The following TCTN3 variants were observed in gnomAD, a reference collection of about 807,000 sequenced individuals.
TCTN3 encodes tectonic-3.
TCTN3 carries 57 observed loss-of-function variants against 71.3 expected under a neutral mutation model. That is an observed-to-expected ratio of 0.80 (90% CI 0.65 to 1.00). TCTN3 has a LOEUF of 1.00. Ranked by LOEUF, TCTN3 falls within the 50% of genes least tolerant of loss-of-function variation. The pLI is 0.00. For missense variants in TCTN3, 696 were observed against 719.9 expected (o/e 0.97, Z 0.38); for synonymous variants, 258 against 267.8 (o/e 0.96, Z 0.36).
chr10:95,680,714 A>G lies in TCTN3; in HGVS notation c.1453-105T>C, dbSNP rs930620048. The G allele has an allele frequency of 8.1e-6, 11 of 1,364,930 alleles. No individual in the cohort carries two copies. In the African/African-American group the frequency reaches 1.6e-4, roughly 20 times the overall value. The allele number at this position is 1,364,930 out of a possible 1,614,324, so 84.6% of individuals were successfully genotyped here. The stretch of plus-strand genomic sequence containing the variant: ...TCTTAAGCATTATTCAGTAATAAGG[A>G]AGGCAATGTAGCTTAGTGGAAGAAC... On this transcript the variant is annotated intron_variant, in intron 12 of 13. Coordinates refer to ENST00000371217, the MANE Select transcript of TCTN3 (RefSeq NM_015631.6).
Position 95,682,711 on chromosome 10 carries a change from A to C in TCTN3, c.1392T>G (p.Asn464Lys). The C allele has an allele frequency of 6.2e-7, 1 of 1,614,182 alleles. No individual in the cohort carries two copies. The highest frequency in any genetic ancestry group is 8.5e-7 in the Non-Finnish European group (1 of 1,180,016). The part of the protein sequence containing the change: ...PRPEYVAIFG[N>K]ADPAQKGGWT... Reference sequence around the variant, plus strand: ...ACCCTCCTTTCTGGGCTGGGTCAGCATTACCAAAGATGGCAACATACTCTG... The same window carrying C: ...ACCCTCCTTTCTGGGCTGGGTCAGCCTTACCAAAGATGGCAACATACTCTG... The change falls in exon 12 of 14, where the codon AAT becomes AAG. Residue 464 changes from asparagine to lysine, a missense_variant. Coordinates refer to ENST00000371217, the MANE Select transcript of TCTN3 (RefSeq NM_015631.6).
In TCTN3 at chr10:95,687,030, G is replaced by C. The variant is rs1392766951; in HGVS notation, c.852+14C>G. 1 of 1,595,434 alleles carries C rather than the reference G, an allele frequency of 6.3e-7. No homozygotes were observed. The highest frequency in any genetic ancestry group is 2.2e-5 in the East Asian group (1 of 44,796). On this transcript the variant is annotated intron_variant, in intron 6 of 13. Coordinates refer to ENST00000371217, the MANE Select transcript of TCTN3 (RefSeq NM_015631.6). Reference sequence around the variant, plus strand: ...TCATAGTAGTGACAGTGTAGGGAGAGAAAGGACACCTACCTTTAAGACTGT... The same window carrying C: ...TCATAGTAGTGACAGTGTAGGGAGACAAAGGACACCTACCTTTAAGACTGT...
At chr10:95,676,800 G>A (rs2097937610) in intron 13 of TCTN3, among the ~76,000 whole-genome samples, 1 of 152,106 alleles carries the variant, frequency 6.6e-6, no homozygotes, top group African/African-American at 2.4e-5. Flanking sequence ...TGATAATAAT[G>A]ATATCAAGAG....
intron 13 of TCTN3, among the ~76,000 whole-genome samples, chr10:95,672,991 C>T (rs2097933220): frequency 6.6e-6 from 1 of 152,046 alleles, no homozygotes; most frequent in African/African-American, 2.4e-5. Flanking sequence ...GCCACTGCAC[C>T]AGGCTGAAGT....
At chr10:95,686,958 T>C (rs1589617817) in intron 6 of TCTN3, 86 bp downstream of exon 6, 11 of 1,197,164 alleles carry the variant, frequency 9.2e-6, no homozygotes, top group Non-Finnish European at 1.2e-5. Context: ...TTTTATTCAA[T>C]GCTCTTTCCA....
intron 3 of TCTN3, among the ~76,000 whole-genome samples, chr10:95,690,815 G>C (rs117417334): frequency 6.6e-6 from 1 of 152,214 alleles, no homozygotes; most frequent in Non-Finnish European, 1.5e-5. Context: ...CTCCACAACT[G>C]TGTATACTGT....
chr10:95,665,260 A>C (rs1006302685), intron 13 of TCTN3, among the ~76,000 whole-genome samples: 4 of 151,828 alleles, frequency 2.6e-5, no homozygotes, highest in Admixed American at 2.6e-4. Flanking sequence ...ACGAGTGCAC[A>C]ACCACACCTG....
intron 4 of TCTN3, 87 bp from the exon 5 acceptor site, chr10:95,687,442 A>T (rs1458438597): frequency 2.7e-6 from 4 of 1,506,270 alleles, no homozygotes; most frequent in Middle Eastern, 1.8e-4. Flanking sequence ...AGGTTAACTC[A>T]AGGGCATGAT....
intron 3 of TCTN3, among the ~76,000 whole-genome samples, chr10:95,690,491 G>A (rs931001835): frequency 9.2e-5 from 14 of 152,144 alleles, no homozygotes; most frequent in African/African-American, 2.2e-4. Context: ...GAAAACACTC[G>A]TGGAAAATAT....
intron 6 of TCTN3, 87 bp downstream of exon 6, chr10:95,686,957 A>G (rs2097948881): frequency 1.7e-6 from 2 of 1,193,822 alleles, no homozygotes; most frequent in Non-Finnish European, 2.4e-6. Flanking sequence ...CTTTTATTCA[A>G]TGCTCTTTCC....
chr10:95,682,795 CT>C lies in TCTN3; in HGVS notation c.1307del (p.Lys436ArgfsTer51). ...AISGCKLRLK[K>X]ADCSHLQQEI... The stretch of plus-strand genomic sequence containing the variant: ...CCTGCTGCAAGTGGCTGCAGTCTGC[CT>C]TCTTCAACCTATAATTAAACACCAT... On this transcript the variant is annotated frameshift_variant, in exon 12 of 14. Transcript: ENST00000371217. LOFTEE classifies it high-confidence loss of function. 2 of 1,613,754 alleles carry C rather than the reference CT, an allele frequency of 1.2e-6. No individual in the cohort carries two copies. The highest frequency in any genetic ancestry group is 1.7e-6 in the Non-Finnish European group (2 of 1,179,862).
intron 13 of TCTN3, among the ~76,000 whole-genome samples, chr10:95,665,649 A>C (rs374787851): frequency 6.6e-6 from 1 of 152,164 alleles, no homozygotes; most frequent in African/African-American, 2.4e-5. Context: ...TTGATTTAAT[A>C]AATGTGCTAT....
At chr10:95,669,595 T>C (rs11188423) in intron 13 of TCTN3, among the ~76,000 whole-genome samples, 26,626 of 152,136 alleles carry the variant, frequency 0.18, 2,413 homozygotes, top group Middle Eastern at 0.22. Context: ...CCATGGATGA[T>C]GTCTATCTGC....
At chr10:95,672,176 G>GTGTGTGTGTGTGTGTGTGTGTGTGTGT (rs1555268634) in intron 13 of TCTN3, among the ~76,000 whole-genome samples, 3 of 151,732 alleles carry the variant, frequency 2.0e-5, no homozygotes, top group Non-Finnish European at 4.4e-5. Flanking sequence ...GTGTGTGTCT[G>GTGTGTGTGTGTGTGTGTGTGTGTGTGT]GCTTCTTTCA....
chr10:95,689,299 C>T (rs189620443), intron 3 of TCTN3, among the ~76,000 whole-genome samples: 2 of 152,258 alleles, frequency 1.3e-5, no homozygotes, highest in East Asian at 3.9e-4. Context: ...ACAAGATCTC[C>T]AGGTAATGTG....
In TCTN3 at chr10:95,682,172, G is replaced by GT. The variant is rs1323310606; in HGVS notation, c.1452+478dup. On this transcript the variant is annotated intron_variant, in intron 12 of 13. Coordinates refer to ENST00000371217, the MANE Select transcript of TCTN3 (RefSeq NM_015631.6). ...ATTGTGCCACTGCACTCCAGCCTAG[G>GT]TAAGAGTTCAAGATCTTGACTTAGA... Among the ~76,000 whole-genome samples, 5 of 145,424 alleles carry GT rather than the reference G, an allele frequency of 3.4e-5. No homozygotes were observed. In the Admixed American group the frequency reaches 3.5e-4, roughly 10 times the overall value.
At chr10:95,664,388 G>A (rs1246237805) in intron 13 of TCTN3, 88 bp from the exon 14 acceptor site, 2 of 1,110,038 alleles carry the variant, frequency 1.8e-6, no homozygotes, top group African/African-American at 3.1e-5. Context: ...TTTCCCTGAA[G>A]AGAGAAATGA....
At chr10:95,687,005 T>G in intron 6 of TCTN3, 39 bp downstream of exon 6, 1 of 1,504,804 alleles carries the variant, frequency 6.6e-7, no homozygotes, top group African/African-American at 1.4e-5. Context: ...CACTTCAACT[T>G]CATAGTAGTG....
chr10:95,677,842 G>C (rs2097939002), intron 13 of TCTN3, among the ~76,000 whole-genome samples: 2 of 152,146 alleles, frequency 1.3e-5, no homozygotes, highest in Admixed American at 1.3e-4. Context: ...TGCCATGCAG[G>C]AATATAATAG....
Sources: allele counts gnomAD v4.1 joint callset (sites outside exome capture counted in the v4.1 genomes callset), GRCh38; gene constraint gnomAD v4.1.1; transcripts MANE v1.5; gene names NCBI Gene and HGNC (gene_info 2026-07-23, HGNC 2026-07-21).